The following SLC5A1 variants were observed in gnomAD, a reference collection of about 807,000 sequenced individuals.
SLC5A1 encodes the protein solute carrier family 5 member 1.
In SLC5A1, 42 loss-of-function variants were observed where a neutral mutation model predicts 73.5. The observed-to-expected ratio is 0.57, with a 90% CI of 0.45 to 0.74. The LOEUF (loss-of-function observed/expected upper bound fraction) is 0.74. Ranked by LOEUF, SLC5A1 falls within the 30% of genes least tolerant of loss-of-function variation. SLC5A1 has a pLI of 0.00. For synonymous variants in SLC5A1, 300 were observed against 317.4 expected, an observed-to-expected ratio of 0.95 and a Z score of 0.58; for missense variants, 634 against 855.4, an observed-to-expected ratio of 0.74 and a Z score of 3.23.
intron 2 of SLC5A1, among the ~76,000 whole-genome samples, chr22:32,066,249 T>C (rs1320082912): frequency 6.6e-5 from 10 of 152,216 alleles, no homozygotes; most frequent in Admixed American, 2.6e-4. Flanking sequence ...GTGCGTATCC[T>C]TGAAAAATGC....
At chr22:32,052,122 C>G (rs1290416853) in intron 2 of SLC5A1, among the ~76,000 whole-genome samples, 2 of 152,168 alleles carry the variant, frequency 1.3e-5, no homozygotes, top group African/African-American at 4.8e-5. Flanking sequence ...CACGTTTACA[C>G]AAGATAATGA....
chr22:32,045,355 C>A (rs1042703208), intron 1 of SLC5A1, among the ~76,000 whole-genome samples: 3 of 152,244 alleles, frequency 2.0e-5, no homozygotes, highest in African/African-American at 7.2e-5. Flanking sequence ...CTGCTAAATG[C>A]TACTTAATAG....
chr22:32,098,324 T>C (rs2094029701), intron 11 of SLC5A1, among the ~76,000 whole-genome samples: 1 of 152,254 alleles, frequency 6.6e-6, no homozygotes, highest in South Asian at 2.1e-4. Flanking sequence ...AGGTCACTGG[T>C]GTGTATGTCA....
chr22:32,073,227 T>G (rs2093985480), intron 5 of SLC5A1, among the ~76,000 whole-genome samples: 1 of 152,250 alleles, frequency 6.6e-6, no homozygotes, highest in Admixed American at 6.5e-5. Flanking sequence ...GGTATGGCCA[T>G]GTGCCACCAT....
intron 5 of SLC5A1, among the ~76,000 whole-genome samples, chr22:32,070,210 TCTCCC>T (rs1569305744): frequency 1.1e-5 from 1 of 87,736 alleles, no homozygotes; most frequent in Non-Finnish European, 2.2e-5. Flanking sequence ...TCTCTTCTCT[TCTCCC>T]CTCCCCTCCC....
chr22:32,066,895 G>C (rs200704822), intron 2 of SLC5A1, 40 bp from the exon 3 acceptor site: 6 of 1,397,096 alleles, frequency 4.3e-6, no homozygotes, highest in Non-Finnish European at 6.1e-6. Flanking sequence ...TGTCCTGGGA[G>C]AGCACAGAGC....
intron 2 of SLC5A1, among the ~76,000 whole-genome samples, chr22:32,060,503 AT>A (rs1437442998): frequency 6.6e-6 from 1 of 152,042 alleles, no homozygotes; most frequent in African/African-American, 2.4e-5. Flanking sequence ...CGGGTAACAG[AT>A]CTTTAAAACT....
rs554018707 is a variant in SLC5A1, at chr22:32,043,779, G to A, written c.135+363G>A. On this transcript the variant is annotated intron_variant, in intron 1 of 14. Coordinates refer to ENST00000266088, the MANE Select transcript of SLC5A1 (RefSeq NM_000343.4). The surrounding 1 kb of genome is among the most constrained non-coding windows in gnomAD (Gnocchi z 6.5). ...CTTGGGAGATGAGCCTCTAGCAGGT[G>A]ACTACTGTCCTACCTTTTAGTCATC... Among the ~76,000 whole-genome samples, 1 of 152,292 alleles carries A rather than the reference G, an allele frequency of 6.6e-6. No homozygotes were observed. Among genetic ancestry groups the A allele is most frequent in the South Asian group, 2.1e-4 (1 of 4,830 alleles).
At chr22:32,074,260 A>G (rs756581503) in intron 5 of SLC5A1, among the ~76,000 whole-genome samples, 1 of 151,878 alleles carries the variant, frequency 6.6e-6, no homozygotes, top group African/African-American at 2.4e-5. Context: ...TAGGTGCCCA[A>G]CCTCTCTCCC....
intron 1 of SLC5A1, among the ~76,000 whole-genome samples, chr22:32,049,162 A>ATCTAT (rs2093941523): frequency 7.7e-6 from 1 of 129,038 alleles, no homozygotes; most frequent in South Asian, 2.4e-4. Context: ...TATTATATAT[A>ATCTAT]ATCTATATCT....
At chr22:32,102,608 T>C (rs1041364172) in intron 13 of SLC5A1, among the ~76,000 whole-genome samples, 2 of 152,194 alleles carry the variant, frequency 1.3e-5, no homozygotes, top group African/African-American at 2.4e-5. Context: ...CTTTAAATTA[T>C]ATGTATATAA....
At position 32,091,617 on chromosome 22, in the gene SLC5A1, C is replaced by T. The variant is rs200566704; in HGVS notation, c.1135C>T (p.Arg379Ter). 12 of 1,613,926 alleles carry T rather than the reference C, an allele frequency of 7.4e-6. No individual in the cohort carries two copies. Among genetic ancestry groups the T allele is most frequent in the South Asian group, 2.2e-5 (2 of 91,082 alleles). Residue 379 changes from arginine to a stop codon, truncating the protein, a stop_gained, in exon 11 of 15, where the codon CGA (arginine) becomes TGA (stop). Coordinates refer to ENST00000266088, the MANE Select transcript of SLC5A1 (RefSeq NM_000343.4). LOFTEE classifies it high-confidence loss of function. ...CAAAAATCCTTCTCTTCCAGGACTG[C>T]GAGGCCTGATGCTATCAGTCATGCT... ...LVVELMPNGL[R>*]GLMLSVMLAS...
chr22:32,075,317 G>A (rs2093989169), intron 5 of SLC5A1, among the ~76,000 whole-genome samples: 1 of 152,100 alleles, frequency 6.6e-6, no homozygotes, highest in African/African-American at 2.4e-5. Flanking sequence ...AGCCAGAACT[G>A]GGAGCAGGGT....
At chr22:32,057,628 C>T (rs2093953854) in intron 2 of SLC5A1, among the ~76,000 whole-genome samples, 1 of 152,134 alleles carries the variant, frequency 6.6e-6, no homozygotes, top group African/African-American at 2.4e-5. Flanking sequence ...ACTTACTGTC[C>T]TTAGGGTGTG....
intron 5 of SLC5A1, among the ~76,000 whole-genome samples, chr22:32,073,114 T>C (rs1569306715): frequency 1.3e-5 from 2 of 152,230 alleles, no homozygotes; most frequent in Non-Finnish European, 2.9e-5. Context: ...CACTGCCAAA[T>C]CCAAGGTCAT....
At chr22:32,045,344 C>A (rs1487675877) in intron 1 of SLC5A1, among the ~76,000 whole-genome samples, 1 of 152,174 alleles carries the variant, frequency 6.6e-6, no homozygotes, top group Non-Finnish European at 1.5e-5. Flanking sequence ...TATCACTTGT[C>A]CTGCTAAATG....
chr22:32,060,832 AGTATTG>A (rs2093961389), intron 2 of SLC5A1, among the ~76,000 whole-genome samples: 1 of 152,058 alleles, frequency 6.6e-6, no homozygotes, highest in Non-Finnish European at 1.5e-5. Context: ...AACCTCCCAA[AGTATTG>A]GTATTGCAGG....
At chr22:32,072,095 G>A (rs1400884388) in intron 5 of SLC5A1, among the ~76,000 whole-genome samples, 1 of 151,914 alleles carries the variant, frequency 6.6e-6, no homozygotes, top group Non-Finnish European at 1.5e-5. Flanking sequence ...TAGGATTGGG[G>A]TACATGTACA....
intron 10 of SLC5A1, among the ~76,000 whole-genome samples, chr22:32,090,419 T>G (rs78882548): frequency 6.6e-6 from 1 of 152,328 alleles, no homozygotes; most frequent in Admixed American, 6.5e-5. Context: ...TTTTTGTGAC[T>G]TGCTTCTTTT....
Sources: gnomAD v4.1 joint callset for allele counts (sites outside exome capture counted in the v4.1 genomes callset) on GRCh38, gnomAD v4.1.1 for gene constraint, Gnocchi (gnomAD v3.1) non-coding constraint, MANE v1.5 for transcripts, NCBI Gene and HGNC (gene_info 2026-07-23, HGNC 2026-07-21) for gene names.